TTC7A: variants seen among roughly 807,000 people sequenced by gnomAD.
TTC7A encodes tetratricopeptide repeat domain 7A, also known as tetratricopeptide repeat protein 7A.
In TTC7A, 110 loss-of-function variants were observed where a neutral mutation model predicts 103.7. The observed-to-expected ratio is 1.06, with a 90% CI of 0.91 to 1.24. TTC7A has a LOEUF of 1.24. TTC7A is among the 50% of genes most tolerant of loss of function. The probability of loss-of-function intolerance (pLI) is 0.00; values close to 1 mark genes in which losing one functional copy is unlikely to be tolerated. For synonymous variants in TTC7A, 521 were observed against 467.9 expected (o/e 1.11, Z -1.47); for missense variants, 1,340 against 1,116.3 (o/e 1.20, Z -2.86).
At chr2:47,005,553 G>A (rs1182940407) in intron 8 of TTC7A, among the ~76,000 whole-genome samples, 1 of 152,186 alleles carries the variant, frequency 6.6e-6, no homozygotes, top group Non-Finnish European at 1.5e-5. Flanking sequence ...TATGATCCTG[G>A]ACTGGATCCT....
At chr2:46,951,538 T>TTGCTTCCTTCCC in intron 2 of TTC7A, 1 of 444,010 alleles carries the variant, frequency 2.3e-6, no homozygotes, top group Non-Finnish European at 4.5e-6. Flanking sequence ...CCTTCCTTCC[T>TTGCTTCCTTCCC]TGCTTCCTTC....
chr2:46,951,634 C>G (rs758252884), intron 2 of TTC7A: 2 of 456,130 alleles, frequency 4.4e-6, no homozygotes, highest in South Asian at 1.5e-5. Context: ...TGGTCTCCAA[C>G]TCCTGGGCTC....
At chr2:46,942,315 T>C (rs1162034930) in intron 1 of TTC7A, among the ~76,000 whole-genome samples, 3 of 152,086 alleles carry the variant, frequency 2.0e-5, no homozygotes, top group African/African-American at 7.2e-5. Flanking sequence ...CGGGCTCTTG[T>C]GCTGGGGCGG....
intron 5 of TTC7A, among the ~76,000 whole-genome samples, chr2:46,981,916 A>T (rs1191974847): frequency 6.6e-6 from 1 of 152,224 alleles, no homozygotes; most frequent in African/African-American, 2.4e-5. Context: ...AGTGGCTGTG[A>T]TGACTGCAAC....
In TTC7A at chr2:46,995,172, C is replaced by G. The variant is rs1676052601; in HGVS notation, c.1038C>G (p.Leu346=). Residue 346 remains leucine (L), a synonymous_variant, in exon 8 of 20, where the codon CTC becomes CTG. Coordinates refer to ENST00000319190, the MANE Select transcript of TTC7A (RefSeq NM_020458.4). ...YCPKDNIEEA[L]LLLLISESMA... is the part of the protein sequence containing the mutation. ...CCAAGGACAACATCGAGGAAGCCCTCCTGCTCCTCCTCATCAGCGAATCCA... is the reference window on the plus strand; with the variant it reads ...CCAAGGACAACATCGAGGAAGCCCTGCTGCTCCTCCTCATCAGCGAATCCA... 1.2e-6 allele frequency: 2 copies of G among 1,614,068 alleles called. No homozygotes were observed. Among genetic ancestry groups the G allele is most frequent in the Non-Finnish European group, 1.7e-6 (2 of 1,180,030 alleles).
Position 46,933,470 on chromosome 2 carries a change from G to A in TTC7A, c.82+16193G>A, listed in dbSNP as rs755897704. ...CCTTTGTAGGACTTCATCTCTTAGCGTAATGATTACATGTAGTTTTTCTGG... is the reference window on the plus strand; with the variant it reads ...CCTTTGTAGGACTTCATCTCTTAGCATAATGATTACATGTAGTTTTTCTGG... On this transcript the variant is annotated intron_variant, in intron 2 of 20. Transcript: ENST00000409245. 2.6e-5 allele frequency among the ~76,000 whole-genome samples: 4 copies of A among 152,316 alleles called. 1 individual carries two copies. The highest frequency in any genetic ancestry group is 2.0e-4 in the Admixed American group (3 of 15,308).
chr2:47,046,533 G>A (rs1682342002), intron 16 of TTC7A, 102 bp downstream of exon 16: 1 of 864,532 alleles, frequency 1.2e-6, no homozygotes, highest in Admixed American at 1.9e-5. Flanking sequence ...GGAGGAGAGT[G>A]AGGCTTTTGA....
At position 46,989,820 on chromosome 2, in the gene TTC7A, CTGTGTG is replaced by C. The variant is rs10650352; in HGVS notation, c.765-3615_765-3610del. 3.6e-5 allele frequency among the ~76,000 whole-genome samples: 5 copies of C among 137,466 alleles called. 1 individual carries two copies. In the South Asian group the frequency reaches 9.3e-4, roughly 26 times the overall value. The allele number at this position is 137,466 out of a possible 152,430, so 90.2% of individuals were successfully genotyped here. On this transcript the variant is annotated intron_variant, in intron 5 of 19. Coordinates refer to ENST00000319190, the MANE Select transcript of TTC7A (RefSeq NM_020458.4). ...ATTGCGTGTGTGTGTGTGTGTGCAT[CTGTGTG>C]TGTGTGTGTGTGTGCATCTGTGTGT...
intron 1 of TTC7A, among the ~76,000 whole-genome samples, chr2:46,944,383 T>TTG (rs1553365005): frequency 6.8e-6 from 1 of 146,746 alleles, no homozygotes; most frequent in African/African-American, 2.5e-5. Context: ...GGTTTTTTTT[T>TTG]TTTTTTTTTT....
At chr2:46,951,218 G>C (rs1320162758) in intron 2 of TTC7A, among the ~76,000 whole-genome samples, 1 of 151,994 alleles carries the variant, frequency 6.6e-6, no homozygotes, top group African/African-American at 2.4e-5. Flanking sequence ...AAGGAGTATG[G>C]TCACAACTTT....
chr2:46,936,703 A>G (rs1011446584), upstream of TTC7A, among the ~76,000 whole-genome samples: 19 of 152,192 alleles, frequency 1.2e-4, no homozygotes, highest in Admixed American at 8.5e-4. Context: ...TCATTTCCCC[A>G]AAGATAATTT....
Position 47,024,174 on chromosome 2 carries a change from C to A in TTC7A, c.1569-113C>A, listed in dbSNP as rs1048044753. On this transcript the variant is annotated intron_variant, in intron 13 of 19. Coordinates refer to ENST00000319190, the MANE Select transcript of TTC7A (RefSeq NM_020458.4). ...TCTGAGGCAGAGCCTGGCAGAATCCCCCAGGGTATTGCCTCATAGCGCCCA... is the reference window on the plus strand; with the variant it reads ...TCTGAGGCAGAGCCTGGCAGAATCCACCAGGGTATTGCCTCATAGCGCCCA... 15 of 916,830 alleles carry A rather than the reference C, an allele frequency of 1.6e-5. No individual in the cohort carries two copies. In the African/African-American group the frequency reaches 2.3e-4, roughly 14 times the overall value. 56.8% of individuals were successfully genotyped at this position (916,830 alleles called of 1,614,324 possible). A position where few individuals can be genotyped will look rare whatever the true frequency, so the allele number is the denominator to read the frequency against.
At chr2:46,966,430 T>C (rs1043763825) in intron 3 of TTC7A, among the ~76,000 whole-genome samples, 7 of 152,250 alleles carry the variant, frequency 4.6e-5, no homozygotes, top group African/African-American at 1.7e-4. Context: ...TTTTAAAATG[T>C]AAGTTCATAC....
chr2:46,968,122 T>C (rs759067764), intron 3 of TTC7A, among the ~76,000 whole-genome samples: 8 of 152,230 alleles, frequency 5.3e-5, no homozygotes, highest in Non-Finnish European at 8.8e-5. Context: ...TTGGATGTGA[T>C]GAGTCATTCA....
intron 19 of TTC7A, among the ~76,000 whole-genome samples, chr2:47,062,964 C>A (rs115406982): frequency 6.6e-6 from 1 of 152,364 alleles, no homozygotes; most frequent in African/African-American, 2.4e-5. Context: ...CAGCCCATCC[C>A]GTCTACAGGC....
intron 3 of TTC7A, chr2:46,974,653 T>A (rs1220761290): frequency 2.1e-6 from 1 of 473,446 alleles, no homozygotes; most frequent in East Asian, 6.3e-5. Flanking sequence ...AAAATAAATT[T>A]TTTTAAAAAA....
chr2:46,941,646 G>C lies in TTC7A; in HGVS notation c.105G>C (p.Gln35His), dbSNP rs1670393055. 1 of 1,552,476 alleles carries C rather than the reference G, an allele frequency of 6.4e-7. No individual in the cohort carries two copies. The highest frequency in any genetic ancestry group is 1.2e-5 in the South Asian group (1 of 84,190). The change falls in exon 1 of 20, where the codon CAG becomes CAC. Residue 35 changes from glutamine to histidine, a missense_variant. Gln to His is a conservative substitution (Grantham distance 24, BLOSUM62 0). Coordinates refer to ENST00000319190, the MANE Select transcript of TTC7A (RefSeq NM_020458.4). This position sits in a 1 kb window ranked among gnomAD's most constrained non-coding sequence, Gnocchi z 4.2. Reference sequence around the variant, plus strand: ...ACCGCATGCCGGAGCTGGTCCGGCAGCTGCAGACGCTGAGCATGCCCGGCG... The same window carrying C: ...ACCGCATGCCGGAGCTGGTCCGGCACCTGCAGACGCTGAGCATGCCCGGCG... ...HWDRMPELVR[Q>H]LQTLSMPGGG...
chr2:47,031,433 G>A (rs776664585), intron 15 of TTC7A, among the ~76,000 whole-genome samples: 21 of 152,012 alleles, frequency 1.4e-4, no homozygotes, highest in Non-Finnish European at 2.5e-4. Flanking sequence ...GCTGGCCTGC[G>A]TGCCTGTGTG....
chr2:47,033,891 A>G (rs1680828952), intron 15 of TTC7A, among the ~76,000 whole-genome samples: 1 of 152,218 alleles, frequency 6.6e-6, no homozygotes, highest in Non-Finnish European at 1.5e-5. Context: ...GAGGCAGGGA[A>G]GGAAGCTCTG....
Sources: gnomAD v4.1 joint callset for allele counts (sites outside exome capture counted in the v4.1 genomes callset) on GRCh38, gnomAD v4.1.1 for gene constraint, Gnocchi (gnomAD v3.1) non-coding constraint, MANE v1.5 for transcripts, NCBI Gene and HGNC (gene_info 2026-07-23, HGNC 2026-07-21) for gene names.